Variants in AKAP8 observed in about 807,000 individuals in gnomAD.
AKAP8 encodes the protein A-kinase anchoring protein 8, also known as A-kinase anchor protein 8.
A neutral mutation model predicts 67.5 loss-of-function variants in AKAP8; 24 were observed. The ratio of observed to expected loss-of-function variants is 0.36; its 90% CI spans 0.26 to 0.50. AKAP8 has a LOEUF of 0.50. Ranked by LOEUF, AKAP8 falls within the 20% of genes least tolerant of loss-of-function variation. The pLI, the probability that AKAP8 is intolerant of heterozygous loss-of-function variation, is 0.97. For missense variants in AKAP8, 971 were observed against 955.9 expected (o/e 1.02, Z -0.21); for synonymous variants, 400 against 371.1 (o/e 1.08, Z -0.90).
chr19:15,366,138 G>GAAA (rs61522974), intron 9 of AKAP8, among the ~76,000 whole-genome samples: 2 of 73,994 alleles, frequency 2.7e-5, no homozygotes, highest in East Asian at 3.9e-4. Flanking sequence ...CATACAAGAT[G>GAAA]AAAAAAAAGC....
chr19:15,372,226 G>C lies in AKAP8; in HGVS notation c.983C>G (p.Ser328Cys). Reference protein sequence around the residue: ...LARVDSEGDFSENDDAAGDFR... With the variant: ...LARVDSEGDFCENDDAAGDFR... ...TGGCCCCCAGGACATACCATTTTCG[G>C]AGAAATCTCCTTCACTGTCAACCCG... is the stretch of plus-strand genomic sequence containing the variant. Residue 328 changes from serine to cysteine, a missense_variant, in exon 6 of 14, where the codon TCC (serine) becomes TGC (cysteine). By Grantham distance (112) the Ser-to-Cys change is moderately radical. Around this residue, in one of 3 missense-constraint regions of AKAP8, gnomAD observed 763 missense variants for 745.4 expected, o/e 1.02. Transcript: ENST00000269701. The C allele has an allele frequency of 6.2e-7, 1 of 1,614,180 alleles. No homozygotes were observed. The highest frequency in any genetic ancestry group is 8.5e-7 in the Non-Finnish European group (1 of 1,180,032).
chr19:15,364,394 A>G (rs867677586), intron 9 of AKAP8, among the ~76,000 whole-genome samples: 2 of 151,768 alleles, frequency 1.3e-5, no homozygotes, highest in Middle Eastern at 6.8e-3. Flanking sequence ...TCTGTTGCCC[A>G]GGCTGGAGTG....
At chr19:15,377,089 G>A in intron 1 of AKAP8, 75 bp from the exon 2 acceptor site, 1 of 1,521,780 alleles carries the variant, frequency 6.6e-7, no homozygotes, top group Non-Finnish European at 9.0e-7. Flanking sequence ...TACTCCTAAA[G>A]GGATCTCCTT....
intron 1 of AKAP8, 75 bp downstream of exon 1, chr19:15,379,637 CG>C: frequency 6.6e-7 from 1 of 1,521,378 alleles, no homozygotes; most frequent in Non-Finnish European, 8.8e-7. Context: ...GCCCGGCCGG[CG>C]GCAGTCTGCG....
At position 15,372,029 on chromosome 19, in the gene AKAP8, C is replaced by T. The variant is rs768798893; in HGVS notation, c.992-31G>A. The T allele has an allele frequency of 2.5e-6, 4 of 1,613,702 alleles. No homozygotes were observed. In the Admixed American group the frequency reaches 5.0e-5, roughly 20 times the overall value. On this transcript the variant is annotated intron_variant, in intron 6 of 13. Coordinates refer to ENST00000269701, the MANE Select transcript of AKAP8 (RefSeq NM_005858.4). ...AGACACAAAGAAAGGAAAAGTCAGT[C>T]CCCGGAGAACGGTCCCATCCGGTTT...
intron 4 of AKAP8, 24 bp from the exon 5 acceptor site, chr19:15,373,364 AG>A: frequency 6.3e-7 from 1 of 1,579,524 alleles, no homozygotes; most frequent in Non-Finnish European, 8.6e-7. Context: ...ACAGCCCATC[AG>A]GGGCGGTCAC....
At chr19:15,374,721 A>G (rs1048082522) in intron 2 of AKAP8, 86 bp from the exon 3 acceptor site, 9 of 1,508,298 alleles carry the variant, frequency 6.0e-6, no homozygotes, top group African/African-American at 2.7e-5. Context: ...CACCCTCCAC[A>G]GCCCCAGGGC....
intron 10 of AKAP8, 31 bp downstream of exon 10, chr19:15,362,079 G>A (rs780613844): frequency 3.1e-6 from 5 of 1,611,694 alleles, no homozygotes; most frequent in African/African-American, 2.7e-5. Flanking sequence ...ATGGGCAAGA[G>A]ACGCGGTGAC....
rs1483967261 is a variant in AKAP8 at position 15,369,142 on chromosome 19, G to A, written c.1073-820C>T. The A allele has an allele frequency of 1.2e-5, 12 of 985,480 alleles. No individual in the cohort carries two copies. The highest frequency in any genetic ancestry group is 1.4e-5 in the Non-Finnish European group (12 of 829,958). 61.0% of individuals were successfully genotyped at this position (985,480 alleles called of 1,614,324 possible). A position where few individuals can be genotyped will look rare whatever the true frequency, so the allele number is the denominator to read the frequency against. On this transcript the variant is annotated intron_variant, in intron 8 of 13. Coordinates refer to ENST00000269701, the MANE Select transcript of AKAP8 (RefSeq NM_005858.4). The surrounding 1 kb of genome is among the most constrained non-coding windows in gnomAD (Gnocchi z 4.6). ...CTGCTCAGAAGCCTCTCAAAAGGGC[G>A]TGTGGGATTTTTGGCAAGAGGTCAC...
In AKAP8 at chr19:15,373,345, A is replaced by C; in HGVS notation, c.372-5T>G. The C allele has an allele frequency of 6.2e-7, 1 of 1,601,794 alleles. No individual in the cohort carries two copies. The stretch of plus-strand genomic sequence containing the variant: ...AACGGCTGGAAGCGGAAGGAGCTGC[A>C]ACAGAAGCACAGCCCATCAGGGGCG... On this transcript the variant is annotated splice_region_variant and splice_polypyrimidine_tract_variant and intron_variant, in intron 4 of 13. Transcript: ENST00000269701.
rs754056435 is a variant in AKAP8 at position 15,373,274 on chromosome 19, G to A, written c.438C>T (p.Tyr146=). Residue 146 remains tyrosine, a synonymous_variant, in exon 5 of 14, where the codon TAC becomes TAT. Transcript: ENST00000269701. ...SRPCLPEHNP[Y]RPSYSYDYEF... ...CATAGTCGTAGCTGTAGCTGGGGCG[G>A]TAGGGGTTGTGCTCCGGCAGGCAGG... 12 of 1,613,800 alleles carry A rather than the reference G, an allele frequency of 7.4e-6. No homozygotes were observed. Among genetic ancestry groups the A allele is most frequent in the African/African-American group, 2.7e-5 (2 of 74,946 alleles).
intron 9 of AKAP8, among the ~76,000 whole-genome samples, chr19:15,365,788 C>T (rs1221461684): frequency 1.3e-5 from 2 of 152,084 alleles, no homozygotes; most frequent in African/African-American, 4.8e-5. Context: ...TTTGGGAGAC[C>T]AAGGTGCGTG....
chr19:15,370,961 G>A (rs557982678), intron 7 of AKAP8, among the ~76,000 whole-genome samples: 1 of 152,178 alleles, frequency 6.6e-6, no homozygotes, highest in Non-Finnish European at 1.5e-5. Context: ...TAACAATCAC[G>A]TATAGATAAA....
chr19:15,355,602 C>T (rs2145056595), intron 13 of AKAP8, among the ~76,000 whole-genome samples: 1 of 151,510 alleles, frequency 6.6e-6, no homozygotes, highest in South Asian at 2.1e-4. Context: ...GTTGCCCAGG[C>T]TGGACTGCAG....
At chr19:15,370,264 G>A (rs1967132571) in intron 7 of AKAP8, 85 bp from the exon 8 acceptor site, 2 of 1,505,018 alleles carry the variant, frequency 1.3e-6, no homozygotes, top group Non-Finnish European at 9.2e-7. Flanking sequence ...CCACTGCCTG[G>A]TGGGCAGTCT....
At chr19:15,366,132 C>A (rs1003253745) in intron 9 of AKAP8, among the ~76,000 whole-genome samples, 24 of 20,354 alleles carry the variant, frequency 1.2e-3, no homozygotes, top group East Asian at 3.9e-3. Flanking sequence ...GAAGAACATA[C>A]AAGATGAAAA....
At position 15,371,969 on chromosome 19, in the gene AKAP8, C is replaced by T. The variant is rs1568252792; in HGVS notation, c.1021G>A (p.Asp341Asn). ...GGACTTACACCCTTGAATTCTTCAT[C>T]TCCTGAGCGGAAGTCACCAGCTGCG... ...DDAAGDFRSG[D>N]EEFKGEDELC... Residue 341 changes from aspartate (D) to asparagine (N), a missense_variant, in exon 7 of 14, where the codon GAT (aspartate) becomes AAT (asparagine). Asp to Asn is a conservative substitution (Grantham distance 23). Coordinates refer to ENST00000269701, the MANE Select transcript of AKAP8 (RefSeq NM_005858.4). 1.9e-6 allele frequency: 3 copies of T among 1,614,022 alleles called. No homozygotes were observed. Among genetic ancestry groups the T allele is most frequent in the Non-Finnish European group, 1.7e-6 (2 of 1,180,040 alleles).
At chr19:15,358,707 A>C (rs1966917062) in intron 13 of AKAP8, among the ~76,000 whole-genome samples, 1 of 152,146 alleles carries the variant, frequency 6.6e-6, no homozygotes, top group Non-Finnish European at 1.5e-5. Context: ...TTTAAGGCTA[A>C]ACAATCAGGA....
chr19:15,368,909 C>T (rs1340546664), intron 8 of AKAP8: 1 of 985,132 alleles, frequency 1.0e-6, no homozygotes, highest in African/African-American at 1.7e-5. Flanking sequence ...GGAAGCAATC[C>T]TAGAAAAAAA....
Sources: allele counts gnomAD v4.1 joint callset (sites outside exome capture counted in the v4.1 genomes callset), GRCh38; gene constraint gnomAD v4.1.1; regional missense constraint gnomAD v4.1.1; non-coding constraint Gnocchi (gnomAD v3.1); transcripts MANE v1.5; gene names NCBI Gene and HGNC (gene_info 2026-07-23, HGNC 2026-07-21).